The following KRT6B variants were observed in gnomAD, a reference collection of about 807,000 sequenced individuals.
KRT6B encodes the protein keratin 6B.
Under a neutral mutation model 44.7 loss-of-function variants are expected in KRT6B, and 29 were observed. The observed-to-expected ratio is 0.65, with a 90% CI of 0.48 to 0.88. KRT6B has a LOEUF of 0.88. Ranked by LOEUF, KRT6B falls within the 40% of genes least tolerant of loss-of-function variation. The pLI is 0.00. For synonymous variants in KRT6B, 213 were observed against 296.0 expected (o/e 0.72, Z 2.88); for missense variants, 600 against 724.0 (o/e 0.83, Z 1.97).
intron 8 of KRT6B, 34 bp downstream of exon 8, chr12:52,447,505 A>AG (rs770602474): frequency 3.7e-6 from 6 of 1,614,058 alleles, no homozygotes; most frequent in Non-Finnish European, 5.1e-6. Flanking sequence ...GGAGAGTGCA[A>AG]GGGCAGGGGA....
intron 7 of KRT6B, 91 bp from the exon 8 acceptor site, chr12:52,447,664 T>C: frequency 6.2e-7 from 1 of 1,613,822 alleles, no homozygotes; most frequent in Non-Finnish European, 8.5e-7. Flanking sequence ...AAACTTTTAG[T>C]TTTCTCCCAA....
chr12:52,449,633 C>T lies in KRT6B; in HGVS notation c.913G>A (p.Glu305Lys), dbSNP rs1187052028. 1.9e-6 allele frequency: 3 copies of T among 1,614,212 alleles called. No homozygotes were observed. The highest frequency in any genetic ancestry group is 1.7e-5 in the Admixed American group (1 of 60,032). Residue 305 changes from glutamate to lysine, a missense_variant and splice_region_variant, in exon 5 of 9, where the codon GAG (glutamate) becomes AAG (lysine). Coordinates refer to ENST00000252252, the MANE Select transcript of KRT6B (RefSeq NM_005555.4). ...INFLRALYDAELSQMQTHISD... is the reference protein window; with the variant it reads ...INFLRALYDAKLSQMQTHISD... ...ATGTGGGTCTGCATCTGGGACAGCT[C>T]CTGCAGAACAGAAGGTCATAAGATC...
chr12:52,451,099 T>G (rs586251), intron 1 of KRT6B, among the ~76,000 whole-genome samples: 86,810 of 149,856 alleles, frequency 0.58, 25,241 homozygotes, highest in Middle Eastern at 0.7. Context: ...TTTATCCATG[T>G]TTTACAGTTG....
In KRT6B at chr12:52,446,863, T is replaced by A; in HGVS notation, c.*327A>T. The A allele has an allele frequency of 2.5e-6, 1 of 402,332 alleles. No homozygotes were observed. The highest frequency in any genetic ancestry group is 4.6e-6 in the Non-Finnish European group (1 of 219,356). The allele number at this position is 402,332 out of a possible 1,614,324, so 24.9% of individuals were successfully genotyped here. Reference sequence around the variant, plus strand: ...TAGCAATTAAAGAGAGGACTCCTCATCTGCAGCTGGACCTAGACTGAGTTT... The same window carrying A: ...TAGCAATTAAAGAGAGGACTCCTCAACTGCAGCTGGACCTAGACTGAGTTT... On this transcript the variant is annotated 3_prime_UTR_variant, in exon 9 of 9. Transcript: ENST00000252252.
In KRT6B at chr12:52,446,843, AT is replaced by A; in HGVS notation, c.*346del. The stretch of plus-strand genomic sequence containing the variant: ...GCTATAATGGGCAGGATGGTTAGCA[AT>A]TAAAGAGAGGACTCCTCATCTGCAG... On this transcript the variant is annotated 3_prime_UTR_variant, in exon 9 of 9. Coordinates refer to ENST00000252252, the MANE Select transcript of KRT6B (RefSeq NM_005555.4). 1.7e-5 allele frequency: 6 copies of A among 359,064 alleles called. No individual in the cohort carries two copies. The highest frequency in any genetic ancestry group is 3.1e-5 in the Non-Finnish European group (6 of 193,414). The allele number at this position is 359,064 out of a possible 1,614,324, so 22.2% of individuals were successfully genotyped here. A position where few individuals can be genotyped will look rare whatever the true frequency, so the allele number is the denominator to read the frequency against.
At chr12:52,451,182 C>T (rs1940397525) in intron 1 of KRT6B, among the ~76,000 whole-genome samples, 1 of 151,136 alleles carries the variant, frequency 6.6e-6, no homozygotes, top group East Asian at 1.9e-4. Flanking sequence ...TTTCCTCTTA[C>T]CCAGACCCCA....
rs141597595 is a variant in KRT6B, at chr12:52,447,842, C to G, written c.1360G>C (p.Val454Leu). 2 of 1,614,068 alleles carry G rather than the reference C, an allele frequency of 1.2e-6. No individual in the cohort carries two copies. The highest frequency in any genetic ancestry group is 1.7e-6 in the Non-Finnish European group (2 of 1,180,048). The stretch of plus-strand genomic sequence containing the variant: ...ATCTCCACATCCAGGGCCAGCTTGA[C>G]GTTCATCAGCTCCTGGTACTCCTTC... ...LLKEYQELMN[V>L]KLALDVEIAT... Residue 454 changes from valine to leucine, a missense_variant, in exon 7 of 9, where the codon GTC becomes CTC. Physicochemically the swap from Val to Leu is conservative, Grantham distance 32. Around this residue, in one of 4 missense-constraint regions of KRT6B, gnomAD observed 479 missense variants for 454.2 expected, o/e 1.05. Coordinates refer to ENST00000252252, the MANE Select transcript of KRT6B (RefSeq NM_005555.4).
rs1161809491 is a variant in KRT6B at position 52,452,109 on chromosome 12, T to C, written c.-31A>G. 6.2e-7 allele frequency: 1 copy of C among 1,613,290 alleles called. No homozygotes were observed. The highest frequency in any genetic ancestry group is 8.5e-7 in the Non-Finnish European group (1 of 1,179,786). The stretch of plus-strand genomic sequence containing the variant: ...CAGGAGATGAGAGGGCTTAGGAGAG[T>C]GTGAGAGGCTGGAGGCGAGAGGGAG... On this transcript the variant is annotated 5_prime_UTR_variant, in exon 1 of 9. Coordinates refer to ENST00000252252, the MANE Select transcript of KRT6B (RefSeq NM_005555.4).
Position 52,449,777 on chromosome 12 carries a change from A to G in KRT6B, c.893T>C (p.Leu298Pro), listed in dbSNP as rs1940368505. ...ADTLTDEINF[L>P]RALYDAELSQ... ...GCTTACTGCATCATACAAGGCTCTC[A>G]GGAAGTTGATCTCATCTGTAAGAGT... Residue 298 changes from leucine (L) to proline (P), a missense_variant, in exon 4 of 9, where the codon CTG (leucine) becomes CCG (proline). By Grantham distance (98) the Leu-to-Pro change is moderately conservative. Around this residue, in one of 4 missense-constraint regions of KRT6B, gnomAD observed 479 missense variants for 454.2 expected, o/e 1.05. Transcript: ENST00000252252. 6.2e-7 allele frequency: 1 copy of G among 1,614,044 alleles called. No individual in the cohort carries two copies. Among genetic ancestry groups the G allele is most frequent in the Non-Finnish European group, 8.5e-7 (1 of 1,179,904 alleles).
At chr12:52,449,385 G>A in intron 5 of KRT6B, 84 bp downstream of exon 5, 1 of 1,593,258 alleles carries the variant, frequency 6.3e-7, no homozygotes, top group South Asian at 1.1e-5. Flanking sequence ...TCCTGTCAGG[G>A]GATGTCCCCA....
At position 52,450,701 on chromosome 12, in the gene KRT6B, G is replaced by A. The variant is rs566643583; in HGVS notation, c.541-81C>T. The A allele has an allele frequency of 1.9e-6, 3 of 1,603,952 alleles. No individual in the cohort carries two copies. The South Asian group carries it at 3.3e-5, about 18-fold the overall frequency. On this transcript the variant is annotated intron_variant, in intron 1 of 8. Transcript: ENST00000252252. ...TGGTATCCAGTTTCCTGGAGGTCTGGGAGGTCCCCATGGTGCTGGGCTACT... is the reference window on the plus strand; with the variant it reads ...TGGTATCCAGTTTCCTGGAGGTCTGAGAGGTCCCCATGGTGCTGGGCTACT...
intron 1 of KRT6B, 87 bp downstream of exon 1, chr12:52,451,452 C>T (rs1303845048): frequency 1.4e-5 from 23 of 1,612,202 alleles, no homozygotes; most frequent in Non-Finnish European, 2.0e-5. Flanking sequence ...CTTCTCCCTC[C>T]CTCCTAGGGT....
chr12:52,450,920 T>C (rs1369858129), intron 1 of KRT6B, among the ~76,000 whole-genome samples: 2 of 152,270 alleles, frequency 1.3e-5, no homozygotes, highest in African/African-American at 2.4e-5. Flanking sequence ...AGTTTAAAAA[T>C]ACTAATTACC....
chr12:52,450,077 A>C lies in KRT6B; in HGVS notation c.756-5T>G, dbSNP rs1592170344. On this transcript the variant is annotated splice_region_variant and splice_polypyrimidine_tract_variant and intron_variant, in intron 2 of 8. Coordinates refer to ENST00000252252, the MANE Select transcript of KRT6B (RefSeq NM_005555.4). ...TTGTTGATTTCATCCTCATATCTAC[A>C]GGAAGAAAGGCATGGGACACATTTG... 1.2e-6 allele frequency: 2 copies of C among 1,613,986 alleles called. No individual in the cohort carries two copies. The highest frequency in any genetic ancestry group is 4.5e-5 in the East Asian group (2 of 44,890).
At chr12:52,451,126 T>C (rs948350674) in intron 1 of KRT6B, among the ~76,000 whole-genome samples, 1 of 151,616 alleles carries the variant, frequency 6.6e-6, no homozygotes, top group African/African-American at 2.4e-5. Flanking sequence ...TGTCCCTTTT[T>C]TTCTTAATCC....
chr12:52,447,099 G>C lies in KRT6B; in HGVS notation c.*91C>G. Reference sequence around the variant, plus strand: ...CTACCCGGGAGGGCAGGGGAGACTGGAGGCCAGGGGAGGACAAGCAACCTG... The same window carrying C: ...CTACCCGGGAGGGCAGGGGAGACTGCAGGCCAGGGGAGGACAAGCAACCTG... On this transcript the variant is annotated 3_prime_UTR_variant, in exon 9 of 9. Coordinates refer to ENST00000252252, the MANE Select transcript of KRT6B (RefSeq NM_005555.4). 1.3e-6 allele frequency: 2 copies of C among 1,538,552 alleles called. No individual in the cohort carries two copies. The highest frequency in any genetic ancestry group is 1.8e-6 in the Non-Finnish European group (2 of 1,126,662).
At position 52,449,805 on chromosome 12, in the gene KRT6B, C is replaced by T. The variant is rs200532105; in HGVS notation, c.865G>A (p.Asp289Asn). The change falls in exon 4 of 9, where the codon GAC (aspartate) becomes AAC (asparagine). Residue 289 changes from aspartate to asparagine, a missense_variant. Around this residue, in one of 4 missense-constraint regions of KRT6B, gnomAD observed 479 missense variants for 454.2 expected, o/e 1.05. Transcript: ENST00000252252. Reference protein sequence around the residue: ...MNKVELQAKADTLTDEINFLR... With the variant: ...MNKVELQAKANTLTDEINFLR... ...AAGTTGATCTCATCTGTAAGAGTGT[C>T]TGCCTTGGCTTGCAGTTCAACCTTG... 39 of 1,613,876 alleles carry T rather than the reference C, an allele frequency of 2.4e-5. No homozygotes were observed. Among genetic ancestry groups the T allele is most frequent in the Non-Finnish European group, 3.1e-5 (37 of 1,179,900 alleles).
Position 52,447,948 on chromosome 12 carries a change from C to G in KRT6B, c.1254G>C (p.Met418Ile). ...GCTTGTTCTTAGCATCCTTGAGGGC[C>G]ATCTCCCCACGCTGCTCAGCATCAG... ...AIADAEQRGE[M>I]ALKDAKNKLE... is the part of the protein sequence containing the mutation. Residue 418 changes from methionine to isoleucine, a missense_variant, in exon 7 of 9, where the codon ATG (methionine) becomes ATC (isoleucine). Met to Ile is a conservative substitution (Grantham distance 10, BLOSUM62 1). Transcript: ENST00000252252. 1 of 1,614,160 alleles carries G rather than the reference C, an allele frequency of 6.2e-7. No individual in the cohort carries two copies. The highest frequency in any genetic ancestry group is 2.2e-5 in the East Asian group (1 of 44,866).
chr12:52,449,910 T>C, intron 3 of KRT6B, 57 bp from the exon 4 acceptor site: 8 of 1,613,814 alleles, frequency 5.0e-6, no homozygotes, highest in East Asian at 2.2e-5. Context: ...AATCTACCCA[T>C]CTTCTAGTCC....
Sources: allele counts gnomAD v4.1 joint callset (sites outside exome capture counted in the v4.1 genomes callset), GRCh38; gene constraint gnomAD v4.1.1; regional missense constraint gnomAD v4.1.1; transcripts MANE v1.5; gene names NCBI Gene and HGNC (gene_info 2026-07-23, HGNC 2026-07-21).